Variants in GALNT18 observed in about 807,000 individuals in gnomAD.
GALNT18 encodes the protein polypeptide N-acetylgalactosaminyltransferase 18.
In GALNT18, 44 loss-of-function variants were observed where a neutral mutation model predicts 69.5. The observed-to-expected ratio is 0.63, with a 90% CI of 0.50 to 0.81. GALNT18 has a LOEUF of 0.81. Among genes scored for constraint, GALNT18 ranks in the 40% least tolerant of loss-of-function variants. GALNT18 has a pLI of 0.00. For missense variants in GALNT18, 715 were observed against 810.0 expected (o/e 0.88, Z 1.42); for synonymous variants, 364 against 318.2 (o/e 1.14, Z -1.53).
At chr11:11,302,048 A>C in intron 9 of GALNT18, among the ~76,000 whole-genome samples, 1 of 152,220 alleles carries the variant, frequency 6.6e-6, no homozygotes, top group Non-Finnish European at 1.5e-5. Context: ...TAGCAGAGGA[A>C]ACAGGCAAAC....
Position 11,480,404 on chromosome 11 carries a change from CTCAGT to C in GALNT18, c.236-31473_236-31469del, listed in dbSNP as rs1330761152. Among the ~76,000 whole-genome samples, 1 of 152,142 alleles carries C rather than the reference CTCAGT, an allele frequency of 6.6e-6. No homozygotes were observed. Among genetic ancestry groups the C allele is most frequent in the East Asian group, 1.9e-4 (1 of 5,188 alleles). Reference sequence around the variant, plus strand: ...TGGATAATGGTGAAATCTATTCATTCTCAGTTATCTGTCCATCTTCCTCTGGCCTA... The same window carrying C: ...TGGATAATGGTGAAATCTATTCATTCTATCTGTCCATCTTCCTCTGGCCTA... On this transcript the variant is annotated intron_variant, in intron 1 of 10. Transcript: ENST00000227756. The surrounding 1 kb of genome is among the most constrained non-coding windows in gnomAD (Gnocchi z 4.6).
chr11:11,599,030 A>G lies in GALNT18; in HGVS notation c.235+22329T>C, dbSNP rs1429372770. ...GCCTAGTGTATGGTGTATTCTGGAT[A>G]ATTTTCCATATATGCTTGAAAAAAA... On this transcript the variant is annotated intron_variant, in intron 1 of 10. Transcript: ENST00000227756. Among the ~76,000 whole-genome samples, 5 of 151,972 alleles carry G rather than the reference A, an allele frequency of 3.3e-5. No homozygotes were observed. The East Asian group carries it at 9.6e-4, about 29-fold the overall frequency.
In GALNT18 at chr11:11,497,647, C is replaced by T. The variant is rs1305102744; in HGVS notation, c.236-48711G>A. Among the ~76,000 whole-genome samples the T allele has an allele frequency of 6.6e-6, 1 of 152,070 alleles. No homozygotes were observed. Among genetic ancestry groups the T allele is most frequent in the Non-Finnish European group, 1.5e-5 (1 of 68,024 alleles). On this transcript the variant is annotated intron_variant, in intron 1 of 10. Coordinates refer to ENST00000227756, the MANE Select transcript of GALNT18 (RefSeq NM_198516.3). This position sits in a 1 kb window ranked among gnomAD's most constrained non-coding sequence, Gnocchi z 4.2. ...ACACAGTATTTCCAGTAACAACTCT[C>T]TTATCTAACATGGTCAGGAGCAGCT...
intron 10 of GALNT18, among the ~76,000 whole-genome samples, chr11:11,275,558 T>C (rs1440331341): frequency 6.6e-6 from 1 of 152,248 alleles, no homozygotes; most frequent in Non-Finnish European, 1.5e-5. Flanking sequence ...TTGTCAATTT[T>C]GGCTTTTGCT....
chr11:11,398,955 G>A (rs1854395532), intron 3 of GALNT18, among the ~76,000 whole-genome samples: 1 of 152,176 alleles, frequency 6.6e-6, no homozygotes, highest in Non-Finnish European at 1.5e-5. Context: ...GTGCACAGGA[G>A]TGAGAGGGAG....
chr11:11,560,142 A>AATGAGATATG (rs1171638977), intron 1 of GALNT18, among the ~76,000 whole-genome samples: 1 of 150,364 alleles, frequency 6.7e-6, no homozygotes, highest in Non-Finnish European at 1.5e-5. Flanking sequence ...GATAGAATAG[A>AATGAGATATG]ATGGGATATG....
At chr11:11,293,987 C>T (rs1265522521) in intron 9 of GALNT18, among the ~76,000 whole-genome samples, 2 of 152,154 alleles carry the variant, frequency 1.3e-5, no homozygotes, top group Non-Finnish European at 2.9e-5. Flanking sequence ...TCTTAAAGGT[C>T]AGGATGACAA....
chr11:11,347,873 TG>T lies in GALNT18; in HGVS notation c.1093-6870del, dbSNP rs1850330086. On this transcript the variant is annotated intron_variant, in intron 6 of 10. Coordinates refer to ENST00000227756, the MANE Select transcript of GALNT18 (RefSeq NM_198516.3). This position sits in a 1 kb window ranked among gnomAD's most constrained non-coding sequence, Gnocchi z 4.0. The stretch of plus-strand genomic sequence containing the variant: ...GTGAAAAGCCAAAACCAGCAGGCTA[TG>T]GGGAGGAAGACGAGGTGGATGCAGG... Among the ~76,000 whole-genome samples, 1 of 152,068 alleles carries T rather than the reference TG, an allele frequency of 6.6e-6. No homozygotes were observed. The highest frequency in any genetic ancestry group is 6.6e-5 in the Admixed American group (1 of 15,266).
intron 3 of GALNT18, among the ~76,000 whole-genome samples, chr11:11,427,638 A>C (rs977844688): frequency 2.6e-5 from 4 of 152,132 alleles, no homozygotes; most frequent in Non-Finnish European, 5.9e-5. Context: ...GAGGTTAAGA[A>C]CACACAGGTA....
At chr11:11,518,080 C>T (rs1857320703) in intron 1 of GALNT18, among the ~76,000 whole-genome samples, 1 of 152,174 alleles carries the variant, frequency 6.6e-6, no homozygotes, top group Non-Finnish European at 1.5e-5. Context: ...CCTAAAGATA[C>T]CAGCAGAAGA....
At chr11:11,471,173 G>C (rs560697723) in intron 1 of GALNT18, among the ~76,000 whole-genome samples, 15 of 152,208 alleles carry the variant, frequency 9.9e-5, no homozygotes, top group African/African-American at 3.6e-4. Context: ...GCTTCCGCCT[G>C]TCCATCCGTC....
intron 1 of GALNT18, among the ~76,000 whole-genome samples, chr11:11,544,777 C>A (rs139818525): frequency 2.3e-4 from 35 of 152,312 alleles, no homozygotes; most frequent in African/African-American, 8.4e-4. Flanking sequence ...TCTTCACTTT[C>A]CTTCAAGTGC....
intron 10 of GALNT18, among the ~76,000 whole-genome samples, chr11:11,284,312 G>A (rs1849147237): frequency 6.6e-6 from 1 of 152,194 alleles, no homozygotes; most frequent in South Asian, 2.1e-4. Flanking sequence ...CTCCTGGAAT[G>A]TAAGAGTTAG....
chr11:11,517,959 C>T (rs1857318302), intron 1 of GALNT18, among the ~76,000 whole-genome samples: 1 of 152,210 alleles, frequency 6.6e-6, no homozygotes, highest in South Asian at 2.1e-4. Context: ...TGTAAGTCAT[C>T]CTGGGAAAAG....
At position 11,339,249 on chromosome 11, in the gene GALNT18, T is replaced by C. The variant is rs11021810; in HGVS notation, c.1278+1570A>G. On this transcript the variant is annotated intron_variant, in intron 7 of 10. Transcript: ENST00000227756. The surrounding 1 kb of genome is among the most constrained non-coding windows in gnomAD (Gnocchi z 5.2). ...CTTGTGTTCACTTCCCCCTACCCAT[T>C]TGATTTGAACTACCACCTTGAGGAG... Among the ~76,000 whole-genome samples the C allele has an allele frequency of 0.18, 27,194 of 152,116 alleles. 2,712 individuals carry two copies. Among genetic ancestry groups the C allele is most frequent in the South Asian group, 0.27 (1,281 of 4,810 alleles).
At chr11:11,607,557 T>C (rs1197532983) in intron 1 of GALNT18, among the ~76,000 whole-genome samples, 1 of 152,190 alleles carries the variant, frequency 6.6e-6, no homozygotes, top group Admixed American at 6.5e-5. Context: ...ATCAAAATTA[T>C]ATCATGCAAC....
At chr11:11,532,344 A>G (rs1056593172) in intron 1 of GALNT18, among the ~76,000 whole-genome samples, 3 of 152,190 alleles carry the variant, frequency 2.0e-5, no homozygotes, top group Non-Finnish European at 4.4e-5. Flanking sequence ...TCTTTTTACA[A>G]GTAAGAAACC....
In GALNT18 at chr11:11,563,503, A is replaced by G. The variant is rs1413575945; in HGVS notation, c.235+57856T>C. Among the ~76,000 whole-genome samples, 1 of 152,226 alleles carries G rather than the reference A, an allele frequency of 6.6e-6. No individual in the cohort carries two copies. The highest frequency in any genetic ancestry group is 1.5e-5 in the Non-Finnish European group (1 of 68,044). ...TGTGAGTTTGAACACTTAAGCTGAA[A>G]AAGGATTTAAATGCTCACATTTAAC... On this transcript the variant is annotated intron_variant, in intron 1 of 10. Transcript: ENST00000227756. The surrounding 1 kb of genome is among the most constrained non-coding windows in gnomAD (Gnocchi z 4.6).
At chr11:11,577,610 C>T (rs552780900) in intron 1 of GALNT18, among the ~76,000 whole-genome samples, 8 of 152,294 alleles carry the variant, frequency 5.3e-5, no homozygotes, top group African/African-American at 1.9e-4. Context: ...AGAAGCTGGG[C>T]TGGAGCTTTT....
Sources: allele counts gnomAD v4.1 joint callset (sites outside exome capture counted in the v4.1 genomes callset), GRCh38; gene constraint gnomAD v4.1.1; non-coding constraint Gnocchi (gnomAD v3.1); transcripts MANE v1.5; gene names NCBI Gene and HGNC (gene_info 2026-07-23, HGNC 2026-07-21).